Variants in MYRF observed in about 807,000 individuals in gnomAD.
MYRF encodes myelin regulatory factor.
Under a neutral mutation model 126.3 loss-of-function variants are expected in MYRF, and 16 were observed. The observed-to-expected ratio is 0.13, with a 90% CI of 0.09 to 0.19. MYRF has a LOEUF of 0.19. Among genes scored for constraint, MYRF ranks in the 10% least tolerant of loss-of-function variants. The pLI is 1.00. For synonymous variants in MYRF, 608 were observed against 635.3 expected, an observed-to-expected ratio of 0.96 and a Z score of 0.65; for missense variants, 1,104 against 1,547.0, an observed-to-expected ratio of 0.71 and a Z score of 4.80.
Position 61,779,216 on chromosome 11 carries a change from G to A in MYRF, c.2014-47G>A, listed in dbSNP as rs191960668. 53 of 1,513,576 alleles carry A rather than the reference G, an allele frequency of 3.5e-5. No individual in the cohort carries two copies. The Admixed American group carries it at 6.5e-4, about 18-fold the overall frequency. The allele number at this position is 1,513,576 out of a possible 1,614,324, so 93.8% of individuals were successfully genotyped here. A position where few individuals can be genotyped will look rare whatever the true frequency, so the allele number is the denominator to read the frequency against. On this transcript the variant is annotated intron_variant, in intron 14 of 26. Transcript: ENST00000278836. ...CAGCCTGGGGCTCCCGGGGCTGACT[G>A]GGCCCTCTGTGTTGGCCCATGGCCC...
intron 3 of MYRF, chr11:61,767,273 G>A: frequency 2.2e-6 from 1 of 456,748 alleles, no homozygotes; most frequent in South Asian, 1.5e-5. Flanking sequence ...AGAGGGAGGA[G>A]AACTAACATT....
At position 61,776,654 on chromosome 11, in the gene MYRF, T is replaced by C. The variant is rs868587372; in HGVS notation, c.1500-133T>C. 18 of 796,026 alleles carry C rather than the reference T, an allele frequency of 2.3e-5. No homozygotes were observed. The highest frequency in any genetic ancestry group is 1.5e-4 in the South Asian group (8 of 54,486). 49.3% of individuals were successfully genotyped at this position (796,026 alleles called of 1,614,324 possible). A position where few individuals can be genotyped will look rare whatever the true frequency, so the allele number is the denominator to read the frequency against. Reference sequence around the variant, plus strand: ...TTCTTGCTGTGGGCCCTGGGGAATTTCTGCCCCCTGGTGGAGGCTCGGGTT... The same window carrying C: ...TTCTTGCTGTGGGCCCTGGGGAATTCCTGCCCCCTGGTGGAGGCTCGGGTT... On this transcript the variant is annotated intron_variant, in intron 10 of 26. Transcript: ENST00000278836. This position sits in a 1 kb window ranked among gnomAD's most constrained non-coding sequence, Gnocchi z 4.3.
At chr11:61,766,332 G>A in intron 3 of MYRF, 111 bp downstream of exon 3, 1 of 1,224,960 alleles carries the variant, frequency 8.2e-7, no homozygotes, top group Non-Finnish European at 1.1e-6. Flanking sequence ...GGGATGGGCT[G>A]GGTGACTGGC....
Position 61,778,741 on chromosome 11 carries a change from C to A in MYRF, c.2013+252C>A, listed in dbSNP as rs1035515684. 1.1e-5 allele frequency: 7 copies of A among 633,472 alleles called. No homozygotes were observed. Among genetic ancestry groups the A allele is most frequent in the African/African-American group, 1.1e-4 (6 of 55,802 alleles). 39.2% of individuals were successfully genotyped at this position (633,472 alleles called of 1,614,324 possible). ...AGAGAAACCCTGTGGAGGGCCATGG[C>A]CTTCCACCCCCGGTAAAATGAGGGC... On this transcript the variant is annotated intron_variant, in intron 14 of 26. Transcript: ENST00000278836. This position sits in a 1 kb window ranked among gnomAD's most constrained non-coding sequence, Gnocchi z 4.6.
At chr11:61,769,233 C>A in intron 3 of MYRF, 27 bp from the exon 4 acceptor site, 1 of 1,496,438 alleles carries the variant, frequency 6.7e-7, no homozygotes, top group Non-Finnish European at 9.1e-7. Context: ...CTGCTCACCC[C>A]CCGGCCCCTT....
In MYRF at chr11:61,757,055, C is replaced by T. The variant is rs1336833904; in HGVS notation, c.46+4265C>T. On this transcript the variant is annotated intron_variant, in intron 1 of 26. Transcript: ENST00000278836. This position sits in a 1 kb window ranked among gnomAD's most constrained non-coding sequence, Gnocchi z 4.7. ...TTAACTGAATCATTAACTGGGTGGC[C>T]CCGCCCTACCCAGGCAGCCTGCCTT... The T allele has an allele frequency of 2.4e-6, 1 of 416,912 alleles. No homozygotes were observed. The highest frequency in any genetic ancestry group is 2.7e-5 in the Admixed American group (1 of 37,598). 25.8% of individuals were successfully genotyped at this position (416,912 alleles called of 1,614,324 possible).
intron 1 of MYRF, among the ~76,000 whole-genome samples, chr11:61,758,700 C>G (rs2065827240): frequency 3.3e-5 from 5 of 152,218 alleles, no homozygotes. Context: ...CACCGGCTGT[C>G]CCCGCCATCT....
intron 20 of MYRF, 37 bp from the exon 21 acceptor site, chr11:61,781,101 G>A: frequency 1.2e-6 from 2 of 1,611,662 alleles, no homozygotes; most frequent in East Asian, 4.5e-5. Context: ...TCTGTCTTTG[G>A]GGCTTCTCTG....
chr11:61,776,222 G>T lies in MYRF; in HGVS notation c.1388+90G>T. 1 of 1,573,154 alleles carries T rather than the reference G, an allele frequency of 6.4e-7. No homozygotes were observed. Among genetic ancestry groups the T allele is most frequent in the Non-Finnish European group, 8.7e-7 (1 of 1,145,396 alleles). On this transcript the variant is annotated intron_variant, in intron 9 of 26. Transcript: ENST00000278836. This position sits in a 1 kb window ranked among gnomAD's most constrained non-coding sequence, Gnocchi z 4.3. ...TGGAGGGGCCAGGGAGGTACCCAGG[G>T]TGTCCGCCTCATGTACGTTGCTGGC...
rs773279834 is a variant in MYRF, at chr11:61,786,232, G to A, written c.*89G>A. The A allele has an allele frequency of 4.7e-5, 59 of 1,249,746 alleles. No homozygotes were observed. The highest frequency in any genetic ancestry group is 1.9e-4 in the Middle Eastern group (1 of 5,382). The allele number at this position is 1,249,746 out of a possible 1,614,324, so 77.4% of individuals were successfully genotyped here. The stretch of plus-strand genomic sequence containing the variant: ...ATGCAATGGTGTTACACTGGAGCCC[G>A]CTGCAGGCCAGCTCTGCTGTTCACT... On this transcript the variant is annotated 3_prime_UTR_variant, in exon 27 of 27. Transcript: ENST00000278836. The surrounding 1 kb of genome is among the most constrained non-coding windows in gnomAD (Gnocchi z 4.5).
chr11:61,766,675 C>T (rs2066071662), intron 3 of MYRF: 1 of 249,160 alleles, frequency 4.0e-6, no homozygotes, highest in East Asian at 1.0e-4. Flanking sequence ...CCAAGCAAGC[C>T]TCATGGGGCC....
chr11:61,762,837 G>A (rs944127572), intron 1 of MYRF, among the ~76,000 whole-genome samples: 5 of 152,258 alleles, frequency 3.3e-5, no homozygotes, highest in African/African-American at 1.2e-4. Context: ...CCGCAACGCT[G>A]CCCCATCAGT....
At chr11:61,760,257 G>A (rs1344267961) in intron 1 of MYRF, among the ~76,000 whole-genome samples, 1 of 152,114 alleles carries the variant, frequency 6.6e-6, no homozygotes, top group African/African-American at 2.4e-5. Flanking sequence ...GTGAGCCACC[G>A]CGCCTGGCCA....
intron 3 of MYRF, 34 bp downstream of exon 3, chr11:61,766,255 G>T (rs1379775975): frequency 7.0e-6 from 11 of 1,564,390 alleles, no homozygotes; most frequent in East Asian, 4.5e-5. Context: ...GGATACAGCG[G>T]CATAGGGGCA....
intron 3 of MYRF, chr11:61,767,094 GCATGGTGGC>G: frequency 2.2e-6 from 1 of 456,658 alleles, no homozygotes; most frequent in Non-Finnish European, 4.4e-6. Context: ...TGCCCTGGGT[GCATGGTGGC>G]CATGGACACA....
chr11:61,775,658 G>A (rs2066357896), intron 8 of MYRF, among the ~76,000 whole-genome samples: 1 of 152,054 alleles, frequency 6.6e-6, no homozygotes, highest in South Asian at 2.1e-4. Flanking sequence ...GATGGGCTTG[G>A]AGGCTGCTGT....
Position 61,776,675 on chromosome 11 carries a change from G to C in MYRF, c.1500-112G>C. On this transcript the variant is annotated intron_variant, in intron 10 of 26. Coordinates refer to ENST00000278836, the MANE Select transcript of MYRF (RefSeq NM_001127392.3). This position sits in a 1 kb window ranked among gnomAD's most constrained non-coding sequence, Gnocchi z 4.3. Reference sequence around the variant, plus strand: ...AATTTCTGCCCCCTGGTGGAGGCTCGGGTTCCTCCTCTGTAGGAGGGGGTG... The same window carrying C: ...AATTTCTGCCCCCTGGTGGAGGCTCCGGTTCCTCCTCTGTAGGAGGGGGTG... The C allele has an allele frequency of 1.1e-6, 1 of 905,204 alleles. No homozygotes were observed. The highest frequency in any genetic ancestry group is 1.7e-6 in the Non-Finnish European group (1 of 601,608). 56.1% of individuals were successfully genotyped at this position (905,204 alleles called of 1,614,324 possible).
In MYRF at chr11:61,776,028, G is replaced by A. The variant is rs200648770; in HGVS notation, c.1312-28G>A. 2.1e-5 allele frequency: 34 copies of A among 1,611,984 alleles called. No homozygotes were observed. The African/African-American group carries it at 3.7e-4, about 18-fold the overall frequency. On this transcript the variant is annotated intron_variant, in intron 8 of 26. Coordinates refer to ENST00000278836, the MANE Select transcript of MYRF (RefSeq NM_001127392.3). The surrounding 1 kb of genome is among the most constrained non-coding windows in gnomAD (Gnocchi z 4.3). ...AGGACCAGCCGGGTAGCCCCATCCT[G>A]AGGTGCCACTGGCTTCACTCCCCAC...
chr11:61,786,350 C>T lies in MYRF; in HGVS notation c.*207C>T. ...TCACGGCACAGAGGGAACCTGAGAG[C>T]CAGAGACTTCTTGGGCCTTCCTGCC... On this transcript the variant is annotated 3_prime_UTR_variant, in exon 27 of 27. Transcript: ENST00000278836. This position sits in a 1 kb window ranked among gnomAD's most constrained non-coding sequence, Gnocchi z 4.5. The T allele has an allele frequency of 1.7e-6, 1 of 600,320 alleles. No individual in the cohort carries two copies. Among genetic ancestry groups the T allele is most frequent in the Non-Finnish European group, 3.0e-6 (1 of 337,588 alleles). 37.2% of individuals were successfully genotyped at this position (600,320 alleles called of 1,614,324 possible). A position where few individuals can be genotyped will look rare whatever the true frequency, so the allele number is the denominator to read the frequency against.
Sources: gnomAD v4.1 joint callset for allele counts (sites outside exome capture counted in the v4.1 genomes callset) on GRCh38, gnomAD v4.1.1 for gene constraint, Gnocchi (gnomAD v3.1) non-coding constraint, MANE v1.5 for transcripts, NCBI Gene and HGNC (gene_info 2026-07-23, HGNC 2026-07-21) for gene names.